The following GK2 variants were observed in gnomAD, a reference collection of about 807,000 sequenced individuals.
GK2 encodes ATP:glycerol 3-phosphotransferase 2.
GK2 carries 10 observed loss-of-function variants against 9.5 expected under a neutral mutation model. The ratio of observed to expected loss-of-function variants is 1.05; its 90% CI spans 0.65 to 1.78. The LOEUF is 1.78. Among genes scored for constraint, GK2 ranks in the 40% most tolerant of loss-of-function variants. GK2 has a pLI of 0.00. For synonymous variants in GK2, 228 were observed against 229.9 expected (o/e 0.99, Z 0.07); for missense variants, 643 against 669.0 (o/e 0.96, Z 0.43).
Position 79,407,762 on chromosome 4 carries a change from T to G in GK2, c.439A>C (p.Thr147Pro), listed in dbSNP as rs1725888162. 2 of 1,613,996 alleles carry G rather than the reference T, an allele frequency of 1.2e-6. No homozygotes were observed. The highest frequency in any genetic ancestry group is 1.3e-5 in the African/African-American group (1 of 74,922). Residue 147 changes from threonine (T) to proline (P), a missense_variant, in exon 1 of 1, where the codon ACT becomes CCT. By Grantham distance (38) the Thr-to-Pro change is conservative. Coordinates refer to ENST00000358842, the MANE Select transcript of GK2 (RefSeq NM_033214.3). Reference protein sequence around the residue: ...VKSKTGLPLSTYFSAVKLRWM... With the variant: ...VKSKTGLPLSPYFSAVKLRWM... ...CGAAGTTTTACTGCACTGAAGTAAG[T>G]GCTGAGTGGAAGGCCTGTCTTAGAC...
At position 79,408,179 on chromosome 4, in the gene GK2, C is replaced by A; in HGVS notation, c.22G>T (p.Ala8Ser). The A allele has an allele frequency of 6.2e-7, 1 of 1,602,308 alleles. No homozygotes were observed. Among genetic ancestry groups the A allele is most frequent in the Non-Finnish European group, 8.5e-7 (1 of 1,174,272 alleles). ...ACCGCTCCCACCAACGGCCCCACAGCTGCTGTCTTTGGGGCTGCCATGACA... is the reference window on the plus strand; with the variant it reads ...ACCGCTCCCACCAACGGCCCCACAGATGCTGTCTTTGGGGCTGCCATGACA... MAAPKTA[A>S]VGPLVGAVVQ... The change falls in exon 1 of 1, where the codon GCT becomes TCT. Residue 8 changes from alanine to serine, a missense_variant. Coordinates refer to ENST00000358842, the MANE Select transcript of GK2 (RefSeq NM_033214.3).
Position 79,406,471 on chromosome 4 carries a change from G to A in GK2, c.*68C>T, listed in dbSNP as rs908473635. On this transcript the variant is annotated 3_prime_UTR_variant, in exon 1 of 1. Coordinates refer to ENST00000358842, the MANE Select transcript of GK2 (RefSeq NM_033214.3). The stretch of plus-strand genomic sequence containing the variant: ...GTCTATAATAGTGTCATTATATTAA[G>A]AGGCAGAACTGCTATATGCTTTCAT... The A allele has an allele frequency of 1.1e-6, 1 of 907,876 alleles. No individual in the cohort carries two copies. Among genetic ancestry groups the A allele is most frequent in the Non-Finnish European group, 1.7e-6 (1 of 579,304 alleles). 56.2% of individuals were successfully genotyped at this position (907,876 alleles called of 1,614,324 possible).
In GK2 at chr4:79,406,508, T is replaced by C. The variant is rs1656269902; in HGVS notation, c.*31A>G. ...CTATATGCTTTCATTATGTAAAATG[T>C]TTACATCTTGGGACTCCATAGCTGG... On this transcript the variant is annotated 3_prime_UTR_variant, in exon 1 of 1. Transcript: ENST00000358842. 7.7e-7 allele frequency: 1 copy of C among 1,292,010 alleles called. No individual in the cohort carries two copies. Among genetic ancestry groups the C allele is most frequent in the South Asian group, 1.3e-5 (1 of 79,814 alleles). The allele number at this position is 1,292,010 out of a possible 1,614,324, so 80.0% of individuals were successfully genotyped here.
Position 79,407,440 on chromosome 4 carries a change from G to A in GK2, c.761C>T (p.Ser254Phe). ...KTGALEGVPI[S>F]GCLGDQCAAL... ...AGCACATTGGTCCCCCAAACACCCA[G>A]ATATTGGCACACCTTCCAGGGCTCC... The change falls in exon 1 of 1, where the codon TCT becomes TTT. Residue 254 changes from serine to phenylalanine, a missense_variant. Transcript: ENST00000358842. 1 of 1,614,140 alleles carries A rather than the reference G, an allele frequency of 6.2e-7. No homozygotes were observed. Among genetic ancestry groups the A allele is most frequent in the African/African-American group, 1.3e-5 (1 of 75,036 alleles).
chr4:79,407,483 A>C lies in GK2; in HGVS notation c.718T>G (p.Tyr240Asp), dbSNP rs755520714. 6.2e-7 allele frequency: 1 copy of C among 1,614,200 alleles called. No individual in the cohort carries two copies. Among genetic ancestry groups the C allele is most frequent in the South Asian group, 1.1e-5 (1 of 91,088 alleles). The change falls in exon 1 of 1, where the codon TAT (tyrosine) becomes GAT (aspartate). Residue 240 changes from tyrosine to aspartate, a missense_variant. Transcript: ENST00000358842. ...LPNVFSSSEI[Y>D]GLIKTGALEG... ...AGGGCTCCAGTTTTAATTAGGCCATAGATCTCAGAAGAACTGAAGACATTT... is the reference window on the plus strand; with the variant it reads ...AGGGCTCCAGTTTTAATTAGGCCATCGATCTCAGAAGAACTGAAGACATTT...
Position 79,406,782 on chromosome 4 carries a change from G to C in GK2, c.1419C>G (p.Ser473Arg), listed in dbSNP as rs1725860567. The part of the protein sequence containing the change: ...AGAAEGVSVW[S>R]LEPQALSVLR... ...GAACTGACAAAGCCTGGGGTTCAAG[G>C]CTCCAAACGCTTACTCCCTCTGCAG... The change falls in exon 1 of 1, where the codon AGC (serine) becomes AGG (arginine). Residue 473 changes from serine (S) to arginine (R), a missense_variant. Physicochemically the swap from Ser to Arg is moderately radical, Grantham distance 110. Transcript: ENST00000358842. 1 of 1,614,152 alleles carries C rather than the reference G, an allele frequency of 6.2e-7. No individual in the cohort carries two copies. Among genetic ancestry groups the C allele is most frequent in the South Asian group, 1.1e-5 (1 of 91,080 alleles).
In GK2 at chr4:79,407,608, T is replaced by C. The variant is rs1416425188; in HGVS notation, c.593A>G (p.Asp198Gly). ...GGVNGGVHCTDVTNASRTMLF... is the reference protein window; with the variant it reads ...GGVNGGVHCTGVTNASRTMLF... ...CATTGTCCTACTTGCATTTGTTACA[T>C]CTGTACAATGCACGCCTCCATTAAC... The change falls in exon 1 of 1, where the codon GAT (aspartate) becomes GGT (glycine). Residue 198 changes from aspartate to glycine, a missense_variant. By Grantham distance (94) the Asp-to-Gly change is moderately conservative. Coordinates refer to ENST00000358842, the MANE Select transcript of GK2 (RefSeq NM_033214.3). The C allele has an allele frequency of 6.2e-7, 1 of 1,614,076 alleles. No homozygotes were observed. Among genetic ancestry groups the C allele is most frequent in the Admixed American group, 1.7e-5 (1 of 60,026 alleles).
rs1725890956 is a variant in GK2, at chr4:79,407,873, T to C, written c.328A>G (p.Asn110Asp). The part of the protein sequence containing the change: ...WDKLTGEPLY[N>D]AVVWLDLRTQ... Reference sequence around the variant, plus strand: ...CTTAGATCAAGCCACACCACAGCATTGTAGAGAGGCTCTCCTGTTAACTTG... The same window carrying C: ...CTTAGATCAAGCCACACCACAGCATCGTAGAGAGGCTCTCCTGTTAACTTG... Residue 110 changes from asparagine (N) to aspartate (D), a missense_variant, in exon 1 of 1, where the codon AAT becomes GAT. Physicochemically the swap from Asn to Asp is conservative, Grantham distance 23 (BLOSUM62 1). Coordinates refer to ENST00000358842, the MANE Select transcript of GK2 (RefSeq NM_033214.3). The C allele has an allele frequency of 1.9e-6, 3 of 1,614,066 alleles. No individual in the cohort carries two copies. The highest frequency in any genetic ancestry group is 1.3e-5 in the African/African-American group (1 of 74,934).
Position 79,407,098 on chromosome 4 carries a change from T to C in GK2, c.1103A>G (p.Tyr368Cys), listed in dbSNP as rs774670514. The change falls in exon 1 of 1, where the codon TAT becomes TGT. Residue 368 changes from tyrosine to cysteine, a missense_variant. Transcript: ENST00000358842. ...CYFVPAFSGL[Y>C]APYWEPSARG... Reference sequence around the variant, plus strand: ...TGCACTGGGCTCCCAATAAGGTGCATATAACCCTGAAAAGGCTGGGACAAA... The same window carrying C: ...TGCACTGGGCTCCCAATAAGGTGCACATAACCCTGAAAAGGCTGGGACAAA... 1.5e-5 allele frequency: 24 copies of C among 1,614,030 alleles called. No individual in the cohort carries two copies. The highest frequency in any genetic ancestry group is 3.4e-6 in the Non-Finnish European group (4 of 1,180,014).
chr4:79,408,122 CCAGAA>C lies in GK2; in HGVS notation c.74_78del (p.Phe25CysfsTer11). ...AGTTCCGCTGTTTTTGAATTGAAAA[CCAGAA>C]AGCGAGTGGAGTTGGTGCCCTGGAC... On this transcript the variant is annotated frameshift_variant, in exon 1 of 1. Coordinates refer to ENST00000358842, the MANE Select transcript of GK2 (RefSeq NM_033214.3). LOFTEE classifies it low-confidence loss of function (END_TRUNC). The C allele has an allele frequency of 6.2e-7, 1 of 1,614,096 alleles. No homozygotes were observed. The highest frequency in any genetic ancestry group is 8.5e-7 in the Non-Finnish European group (1 of 1,179,962).
At position 79,407,690 on chromosome 4, in the gene GK2, C is replaced by A. The variant is rs778590833; in HGVS notation, c.511G>T (p.Gly171Cys). The change falls in exon 1 of 1, where the codon GGT (glycine) becomes TGT (cysteine). Residue 171 changes from glycine to cysteine, a missense_variant. Coordinates refer to ENST00000358842, the MANE Select transcript of GK2 (RefSeq NM_033214.3). Reference sequence around the variant, plus strand: ...TCAATGGTACCAAAAAGAGCTCTACCTTCTTCAACAGCCTTTTGGACGTTT... The same window carrying A: ...TCAATGGTACCAAAAAGAGCTCTACATTCTTCAACAGCCTTTTGGACGTTT... ...VRNVQKAVEE[G>C]RALFGTIDSW... The A allele has an allele frequency of 6.2e-7, 1 of 1,614,208 alleles. No homozygotes were observed. The highest frequency in any genetic ancestry group is 8.5e-7 in the Non-Finnish European group (1 of 1,180,042).
Position 79,406,661 on chromosome 4 carries a change from C to T in GK2, c.1540G>A (p.Val514Ile). The change falls in exon 1 of 1, where the codon GTT becomes ATT. Residue 514 changes from valine to isoleucine, a missense_variant. Val to Ile is a conservative substitution (Grantham distance 29). Coordinates refer to ENST00000358842, the MANE Select transcript of GK2 (RefSeq NM_033214.3). ...CCACCTTCAGGAGACTGACTGGTAA[C>T]CCAACCCATTGACTTCATTACGGCT... ...KKAVMKSMGWVTSQSPEGGDP... is the reference protein window; with the variant it reads ...KKAVMKSMGWITSQSPEGGDP... 2 of 1,613,954 alleles carry T rather than the reference C, an allele frequency of 1.2e-6. No homozygotes were observed. Among genetic ancestry groups the T allele is most frequent in the South Asian group, 2.2e-5 (2 of 91,068 alleles).
At position 79,406,739 on chromosome 4, in the gene GK2, C is replaced by T. The variant is rs768973049; in HGVS notation, c.1462G>A (p.Glu488Lys). The change falls in exon 1 of 1, where the codon GAA becomes AAA. Residue 488 changes from glutamate (E) to lysine (K), a missense_variant. Coordinates refer to ENST00000358842, the MANE Select transcript of GK2 (RefSeq NM_033214.3). The part of the protein sequence containing the change: ...ALSVLRMERF[E>K]PQIQATESEI... Reference sequence around the variant, plus strand: ...CTTTCTGTGGCCTGGATCTGTGGTTCAAATCGTTCCATCCTGAGAACTGAC... The same window carrying T: ...CTTTCTGTGGCCTGGATCTGTGGTTTAAATCGTTCCATCCTGAGAACTGAC... 2.0e-5 allele frequency: 32 copies of T among 1,614,060 alleles called. 1 individual carries two copies. In the South Asian group the frequency reaches 3.5e-4, roughly 18 times the overall value.
chr4:79,407,871 A>G lies in GK2; in HGVS notation c.330T>C (p.Asn110=). The change falls in exon 1 of 1, where the codon AAT becomes AAC. Residue 110 remains asparagine (N), a synonymous_variant. Coordinates refer to ENST00000358842, the MANE Select transcript of GK2 (RefSeq NM_033214.3). The part of the protein sequence containing the change: ...WDKLTGEPLY[N]AVVWLDLRTQ... ...TTCTTAGATCAAGCCACACCACAGC[A>G]TTGTAGAGAGGCTCTCCTGTTAACT... 1 of 1,614,104 alleles carries G rather than the reference A, an allele frequency of 6.2e-7. No homozygotes were observed. Among genetic ancestry groups the G allele is most frequent in the African/African-American group, 1.3e-5 (1 of 75,032 alleles).
At position 79,408,078 on chromosome 4, in the gene GK2, C is replaced by T; in HGVS notation, c.123G>A (p.Val41=). 6.2e-7 allele frequency: 1 copy of T among 1,614,108 alleles called. No homozygotes were observed. The highest frequency in any genetic ancestry group is 8.5e-7 in the Non-Finnish European group (1 of 1,179,982). ...KTAELLSHHK[V]ELTQEFPKEG... is the part of the protein sequence containing the mutation. ...CTTTTGGGAACTCTTGTGTTAATTC[C>T]ACTTTGTGATGACTAAGTAGTTCCG... Residue 41 remains valine, a synonymous_variant, in exon 1 of 1, where the codon GTG becomes GTA. Transcript: ENST00000358842.
rs1725880885 is a variant in GK2, at chr4:79,407,490, A to G, written c.711T>C (p.Ser237=). ...MDLLPNVFSS[S]EIYGLIKTGA... is the part of the protein sequence containing the mutation. ...CAGTTTTAATTAGGCCATAGATCTCAGAAGAACTGAAGACATTTGGAAGAA... is the reference window on the plus strand; with the variant it reads ...CAGTTTTAATTAGGCCATAGATCTCGGAAGAACTGAAGACATTTGGAAGAA... Residue 237 remains serine (S), a synonymous_variant, in exon 1 of 1, where the codon TCT becomes TCC. Transcript: ENST00000358842. 1 of 1,611,258 alleles carries G rather than the reference A, an allele frequency of 6.2e-7. No homozygotes were observed. Among genetic ancestry groups the G allele is most frequent in the Non-Finnish European group, 8.5e-7 (1 of 1,177,314 alleles).
rs1176779348 is a variant in GK2, at chr4:79,407,704, T to C, written c.497A>G (p.Lys166Arg). 1.2e-6 allele frequency: 2 copies of C among 1,614,190 alleles called. No individual in the cohort carries two copies. Among genetic ancestry groups the C allele is most frequent in the South Asian group, 2.2e-5 (2 of 91,090 alleles). Residue 166 changes from lysine to arginine, a missense_variant, in exon 1 of 1, where the codon AAG becomes AGG. Transcript: ENST00000358842. Reference sequence around the variant, plus strand: ...AAGAGCTCTACCTTCTTCAACAGCCTTTTGGACGTTTCTCACATTGTCAAG... The same window carrying C: ...AAGAGCTCTACCTTCTTCAACAGCCCTTTGGACGTTTCTCACATTGTCAAG... ...WMLDNVRNVQ[K>R]AVEEGRALFG... is the part of the protein sequence containing the mutation.
Position 79,406,533 on chromosome 4 carries a change from G to T in GK2, c.*6C>A, listed in dbSNP as rs771757204. The T allele has an allele frequency of 1.3e-6, 2 of 1,538,182 alleles. No individual in the cohort carries two copies. Among genetic ancestry groups the T allele is most frequent in the Admixed American group, 3.4e-5 (2 of 59,418 alleles). On this transcript the variant is annotated 3_prime_UTR_variant, in exon 1 of 1. Coordinates refer to ENST00000358842, the MANE Select transcript of GK2 (RefSeq NM_033214.3). ...TTTACATCTTGGGACTCCATAGCTGGTATTATTATGGCACACCCGAGATAT... is the reference window on the plus strand; with the variant it reads ...TTTACATCTTGGGACTCCATAGCTGTTATTATTATGGCACACCCGAGATAT...
In GK2 at chr4:79,408,136, G is replaced by T; in HGVS notation, c.65C>A (p.Ser22Tyr). The change falls in exon 1 of 1, where the codon TCC (serine) becomes TAC (tyrosine). Residue 22 changes from serine (S) to tyrosine (Y), a missense_variant. Physicochemically the swap from Ser to Tyr is moderately radical, Grantham distance 144. Transcript: ENST00000358842. ...TGAATTGAAAACCAGAAAGCGAGTG[G>T]AGTTGGTGCCCTGGACCACCGCTCC... Reference protein sequence around the residue: ...LVGAVVQGTNSTRFLVFNSKT... With the variant: ...LVGAVVQGTNYTRFLVFNSKT... 1.2e-6 allele frequency: 2 copies of T among 1,613,502 alleles called. No individual in the cohort carries two copies. Among genetic ancestry groups the T allele is most frequent in the Non-Finnish European group, 1.7e-6 (2 of 1,179,640 alleles).
Sources: allele counts gnomAD v4.1 joint callset, GRCh38; gene constraint gnomAD v4.1.1; transcripts MANE v1.5; gene names NCBI Gene and HGNC (gene_info 2026-07-23, HGNC 2026-07-21).